Variants in EFCAB6 observed in about 807,000 individuals in gnomAD.
EFCAB6 encodes the protein EF-hand calcium binding domain 6.
EFCAB6 carries 156 observed loss-of-function variants against 169.8 expected under a neutral mutation model. The ratio of observed to expected loss-of-function variants is 0.92; its 90% CI spans 0.81 to 1.05. The LOEUF is 1.05. EFCAB6 is among the 50% of genes least tolerant of loss of function. The pLI, the probability that EFCAB6 is intolerant of heterozygous loss-of-function variation, is 0.00. For synonymous variants in EFCAB6, 698 were observed against 676.4 expected, an observed-to-expected ratio of 1.03 and a Z score of -0.50; for missense variants, 1,800 against 1,829.1, an observed-to-expected ratio of 0.98 and a Z score of 0.29.
At chr22:43,598,187 G>A (rs868419911) in intron 23 of EFCAB6, among the ~76,000 whole-genome samples, 18 of 151,680 alleles carry the variant, frequency 1.2e-4, no homozygotes, top group African/African-American at 4.4e-4. Context: ...TGTACCGGTA[G>A]TCCCAGCTAC....
At chr22:43,574,509 T>C (rs2050106480) in intron 26 of EFCAB6, among the ~76,000 whole-genome samples, 1 of 152,170 alleles carries the variant, frequency 6.6e-6, no homozygotes, top group South Asian at 2.1e-4. Flanking sequence ...TAGTAGGTGC[T>C]CACCAAATGG....
chr22:43,785,474 G>A (rs2062043179), intron 2 of EFCAB6, among the ~76,000 whole-genome samples: 1 of 151,932 alleles, frequency 6.6e-6, no homozygotes, highest in South Asian at 2.1e-4. Context: ...GAAAATGAAG[G>A]CACAACATAT....
rs995147938 is a variant in EFCAB6 at position 43,601,228 on chromosome 22, A to G, written c.2682-965T>C. ...TCTATTATTGAGATTTTTCTGAATT[A>G]GAACTCATTAAAAAAGGCATAATGG... On this transcript the variant is annotated intron_variant, in intron 22 of 31. Transcript: ENST00000262726. Among the ~76,000 whole-genome samples the G allele has an allele frequency of 3.3e-5, 5 of 152,260 alleles. No individual in the cohort carries two copies. In the East Asian group the frequency reaches 9.6e-4, roughly 29 times the overall value.
chr22:43,625,107 CAAAAT>C (rs10574599), intron 20 of EFCAB6, among the ~76,000 whole-genome samples: 34,724 of 151,590 alleles, frequency 0.23, 5,147 homozygotes, highest in East Asian at 0.61. Flanking sequence ...TTAATATAGA[CAAAAT>C]AAAACCTATG....
intron 22 of EFCAB6, among the ~76,000 whole-genome samples, chr22:43,601,216 T>A (rs1252316068): frequency 6.6e-6 from 1 of 152,182 alleles, no homozygotes; most frequent in Non-Finnish European, 1.5e-5. Context: ...ATTATTGAGA[T>A]TTTTCTGAAT....
intron 8 of EFCAB6, among the ~76,000 whole-genome samples, chr22:43,727,468 A>C (rs9614269): frequency 0.38 from 57,647 of 152,012 alleles, 11,763 homozygotes; most frequent in African/African-American, 0.51. Flanking sequence ...AAATTCTTAA[A>C]ATTGTAAAAT....
At chr22:43,789,477 T>G (rs2062196539) in intron 2 of EFCAB6, among the ~76,000 whole-genome samples, 1 of 152,078 alleles carries the variant, frequency 6.6e-6, no homozygotes, top group Admixed American at 6.5e-5. Flanking sequence ...TTTAAAGACC[T>G]TAGGGGAAGC....
Position 43,765,243 on chromosome 22 carries a change from G to T in EFCAB6, c.440+62C>A, listed in dbSNP as rs755392944. On this transcript the variant is annotated intron_variant, in intron 5 of 31. Transcript: ENST00000262726. ...ATATGATTAGTTCCAATGGCTTCAC[G>T]TCATAGCTCTTACTCATCATTTCAA... 3.0e-6 allele frequency: 4 copies of T among 1,314,120 alleles called. No individual in the cohort carries two copies. In the East Asian group the frequency reaches 7.1e-5, roughly 23 times the overall value. The allele number at this position is 1,314,120 out of a possible 1,614,324, so 81.4% of individuals were successfully genotyped here.
chr22:43,626,698 C>A lies in EFCAB6; in HGVS notation c.2233-19G>T, dbSNP rs110618. The A allele has an allele frequency of 0.22, 359,275 of 1,612,014 alleles. 41,437 individuals carry two copies. Among genetic ancestry groups the A allele is most frequent in the African/African-American group, 0.36 (26,797 of 74,818 alleles). ...AGGGGTCCTAAAAACAAAACACACA[C>A]GTCAAAGCCCTTCCCCAAGAGCCCC... On this transcript the variant is annotated intron_variant, in intron 19 of 31. Transcript: ENST00000262726.
chr22:43,791,939 G>A (rs765046252), intron 2 of EFCAB6, among the ~76,000 whole-genome samples: 29 of 152,192 alleles, frequency 1.9e-4, no homozygotes, highest in Admixed American at 2.6e-4. Flanking sequence ...CAGCAGGAGA[G>A]AAAGAAGAGC....
intron 6 of EFCAB6, among the ~76,000 whole-genome samples, chr22:43,752,143 A>G (rs899758728): frequency 7.6e-6 from 1 of 130,798 alleles, no homozygotes. Flanking sequence ...TTTGAGATAG[A>G]GTCTCCCTCT....
At chr22:43,784,708 C>T (rs1209787363) in intron 2 of EFCAB6, among the ~76,000 whole-genome samples, 5 of 135,910 alleles carry the variant, frequency 3.7e-5, no homozygotes, top group African/African-American at 1.4e-4. Flanking sequence ...CACACACACA[C>T]ACACACACAC....
intron 3 of EFCAB6, among the ~76,000 whole-genome samples, chr22:43,777,271 G>A (rs1032678607): frequency 2.0e-5 from 3 of 152,198 alleles, no homozygotes; most frequent in Non-Finnish European, 2.9e-5. Context: ...TGCGGTGCAC[G>A]CAGAAAGGTC....
chr22:43,615,970 T>C (rs752538988), intron 20 of EFCAB6, 48 bp from the exon 21 acceptor site: 7 of 1,478,218 alleles, frequency 4.7e-6, no homozygotes, highest in Non-Finnish European at 6.5e-6. Flanking sequence ...TTTAATGGGC[T>C]CATTAATCTC....
intron 30 of EFCAB6, among the ~76,000 whole-genome samples, chr22:43,532,801 G>C (rs2047156763): frequency 6.6e-6 from 1 of 152,192 alleles, no homozygotes; most frequent in African/African-American, 2.4e-5. Context: ...GTGGCCCTTG[G>C]GTGGGGTGAG....
chr22:43,726,276 CA>C (rs3994547), intron 8 of EFCAB6, among the ~76,000 whole-genome samples: 13,362 of 59,384 alleles, frequency 0.23, 1,050 homozygotes, highest in African/African-American at 0.35. Context: ...AAAAATTCAC[CA>C]AAAAAAAAAA....
In EFCAB6 at chr22:43,755,796, T is replaced by C. The variant is rs760603389; in HGVS notation, c.477A>G (p.Leu159=). The C allele has an allele frequency of 6.2e-7, 1 of 1,607,022 alleles. No individual in the cohort carries two copies. Among genetic ancestry groups the C allele is most frequent in the Non-Finnish European group, 8.5e-7 (1 of 1,178,022 alleles). The change falls in exon 6 of 32, where the codon TTA becomes TTG. Residue 159 remains leucine (L), a synonymous_variant. Transcript: ENST00000262726. ...GGNEMNCCRT[L]RELEIQVGEK... ...CTCCCACTTGGATTTCAAGTTCTCTTAATGTGCGGCAGCAATTCATTTCAT... is the reference window on the plus strand; with the variant it reads ...CTCCCACTTGGATTTCAAGTTCTCTCAATGTGCGGCAGCAATTCATTTCAT...
intron 24 of EFCAB6, among the ~76,000 whole-genome samples, chr22:43,586,181 G>A (rs543749212): frequency 2.6e-5 from 4 of 152,054 alleles, no homozygotes; most frequent in East Asian, 3.9e-4. Flanking sequence ...AAAAGCACAC[G>A]GGTAAATGAA....
chr22:43,703,358 T>C (rs1013839701), intron 10 of EFCAB6, among the ~76,000 whole-genome samples: 9 of 152,158 alleles, frequency 5.9e-5, no homozygotes, highest in Non-Finnish European at 1.2e-4. Flanking sequence ...ATAATGAATA[T>C]CTATTTCTGC....
Sources: allele counts gnomAD v4.1 joint callset (sites outside exome capture counted in the v4.1 genomes callset), GRCh38; gene constraint gnomAD v4.1.1; transcripts MANE v1.5; gene names NCBI Gene and HGNC (gene_info 2026-07-23, HGNC 2026-07-21).